Variants in UBE2D1 observed in about 807,000 individuals in gnomAD.
UBE2D1 encodes the protein ubiquitin-conjugating enzyme E2 D1.
UBE2D1 carries 9 observed loss-of-function variants against 24.6 expected under a neutral mutation model. The observed-to-expected ratio is 0.37, with a 90% CI of 0.22 to 0.64. The LOEUF (loss-of-function observed/expected upper bound fraction) is 0.64, where lower values mean the gene tolerates loss of function less well. UBE2D1 is among the 30% of genes least tolerant of loss of function. The pLI, the probability that UBE2D1 is intolerant of heterozygous loss-of-function variation, is 0.64. For missense variants in UBE2D1, 87 were observed against 177.1 expected (o/e 0.49, Z 2.89); for synonymous variants, 57 against 57.6 (o/e 0.99, Z 0.04).
intron 1 of UBE2D1, among the ~76,000 whole-genome samples, chr10:58,349,849 A>G (rs1278863767): frequency 1.3e-5 from 2 of 152,104 alleles, no homozygotes; most frequent in Non-Finnish European, 2.9e-5. Context: ...TCTAATCTCT[A>G]TCACCGTACA....
At chr10:58,362,676 T>C (rs113831699) in intron 3 of UBE2D1, among the ~76,000 whole-genome samples, 1 of 152,096 alleles carries the variant, frequency 6.6e-6, no homozygotes, top group African/African-American at 2.4e-5. Flanking sequence ...ATATCTGTCA[T>C]TGTAATTTAT....
intron 1 of UBE2D1, among the ~76,000 whole-genome samples, chr10:58,353,937 A>T (rs78427159): frequency 0.048 from 7,378 of 152,268 alleles, 342 homozygotes; most frequent in African/African-American, 0.12. Context: ...AATAATACCA[A>T]ACACCTTATG....
At chr10:58,363,200 C>CT (rs1288978145) in intron 3 of UBE2D1, among the ~76,000 whole-genome samples, 1 of 152,110 alleles carries the variant, frequency 6.6e-6, no homozygotes, top group Non-Finnish European at 1.5e-5. Flanking sequence ...TTAAGTTTTA[C>CT]TATCCTCAAC....
rs1008323966 is a variant in UBE2D1, at chr10:58,342,952, C to A, written c.24+7727C>A. On this transcript the variant is annotated intron_variant, in intron 1 of 6. Transcript: ENST00000373910. ...TCAAGCAATTCTCCTGCCTCAGTCTCCCAAGTAGCTGGGATTACAGGCGCC... is the reference window on the plus strand; with the variant it reads ...TCAAGCAATTCTCCTGCCTCAGTCTACCAAGTAGCTGGGATTACAGGCGCC... Among the ~76,000 whole-genome samples the A allele has an allele frequency of 5.9e-5, 9 of 151,730 alleles. No homozygotes were observed. In the East Asian group the frequency reaches 1.6e-3, roughly 26 times the overall value.
At chr10:58,363,737 TTTATCTAGAGCTCATTTGA>T (rs1271065734) in intron 4 of UBE2D1, 51 bp downstream of exon 4, 8 of 1,354,146 alleles carry the variant, frequency 5.9e-6, no homozygotes, top group Non-Finnish European at 7.3e-6. Context: ...GATTTTATTC[TTTATCTAGAGCTCATTTGA>T]TTATCTAGAG....
chr10:58,349,844 T>C (rs1840053765), intron 1 of UBE2D1, among the ~76,000 whole-genome samples: 1 of 152,182 alleles, frequency 6.6e-6, no homozygotes, highest in Admixed American at 6.5e-5. Flanking sequence ...ACTATTCTAA[T>C]CTCTATCACC....
intron 1 of UBE2D1, among the ~76,000 whole-genome samples, chr10:58,346,201 TG>T (rs1476766057): frequency 2.0e-5 from 3 of 151,642 alleles, no homozygotes; most frequent in African/African-American, 7.3e-5. Flanking sequence ...TAGTAGAGAC[TG>T]GGTTTCACCA....
At chr10:58,366,906 CTT>C (rs1476259733) in intron 5 of UBE2D1, among the ~76,000 whole-genome samples, 1 of 152,006 alleles carries the variant, frequency 6.6e-6, no homozygotes, top group Non-Finnish European at 1.5e-5. Context: ...TAAATGTCTT[CTT>C]TTGCTTTTTA....
At chr10:58,349,324 A>G (rs955520139) in intron 1 of UBE2D1, among the ~76,000 whole-genome samples, 15 of 152,190 alleles carry the variant, frequency 9.9e-5, no homozygotes, top group African/African-American at 3.6e-4. Context: ...TTTGTGGAAC[A>G]TACTTTCACC....
chr10:58,343,404 A>G (rs970444527), intron 1 of UBE2D1, among the ~76,000 whole-genome samples: 3 of 152,130 alleles, frequency 2.0e-5, no homozygotes, highest in Admixed American at 1.3e-4. Flanking sequence ...GTGTGTGTGT[A>G]CTAGGTTGTA....
rs894642954 is a variant in UBE2D1, at chr10:58,370,010, T to G, written c.*1245T>G. The stretch of plus-strand genomic sequence containing the variant: ...TTCTTAACATTTTAAAATCTAGAAT[T>G]TCTAAAATGGAATTTAATGCCATCA... On this transcript the variant is annotated 3_prime_UTR_variant, in exon 7 of 7. Transcript: ENST00000373910. 3.3e-5 allele frequency: 5 copies of G among 151,928 alleles called. No homozygotes were observed. The highest frequency in any genetic ancestry group is 1.2e-4 in the African/African-American group (5 of 41,374). The allele number at this position is 151,928 out of a possible 1,614,324, so 9.4% of individuals were successfully genotyped here.
chr10:58,339,585 T>C (rs993004927), intron 1 of UBE2D1, among the ~76,000 whole-genome samples: 4 of 152,204 alleles, frequency 2.6e-5, no homozygotes, highest in Non-Finnish European at 5.9e-5. Flanking sequence ...ACTTGACATA[T>C]ATTAATTGAC....
At chr10:58,357,846 A>C (rs1348019569) in intron 1 of UBE2D1, among the ~76,000 whole-genome samples, 1 of 152,168 alleles carries the variant, frequency 6.6e-6, no homozygotes, top group Non-Finnish European at 1.5e-5. Context: ...CCATGTGAAT[A>C]TTAAGGATGT....
At position 58,370,286 on chromosome 10, in the gene UBE2D1, T is replaced by G. The variant is rs912416230; in HGVS notation, c.*1521T>G. 2.0e-5 allele frequency: 3 copies of G among 152,276 alleles called. No individual in the cohort carries two copies. Among genetic ancestry groups the G allele is most frequent in the African/African-American group, 7.2e-5 (3 of 41,448 alleles). The allele number at this position is 152,276 out of a possible 1,614,324, so 9.4% of individuals were successfully genotyped here. ...TAAGAACAGTTGTAGCCCTTCTGAT[T>G]ATTGCAGTAGCTGTAGAAGTATGTA... On this transcript the variant is annotated 3_prime_UTR_variant, in exon 7 of 7. Coordinates refer to ENST00000373910, the MANE Select transcript of UBE2D1 (RefSeq NM_003338.5).
At chr10:58,344,516 T>G (rs1261329506) in intron 1 of UBE2D1, among the ~76,000 whole-genome samples, 1 of 152,150 alleles carries the variant, frequency 6.6e-6, no homozygotes, top group Non-Finnish European at 1.5e-5. Flanking sequence ...TTTTTTTTTT[T>G]GCAGCAAACA....
intron 4 of UBE2D1, chr10:58,364,549 T>C: frequency 4.3e-6 from 2 of 470,306 alleles, no homozygotes; most frequent in South Asian, 3.0e-5. Flanking sequence ...TTCAGTTCCT[T>C]TGAGGGCAAA....
At chr10:58,353,005 T>A (rs1196881485) in intron 1 of UBE2D1, among the ~76,000 whole-genome samples, 4 of 152,188 alleles carry the variant, frequency 2.6e-5, no homozygotes, top group Non-Finnish European at 5.9e-5. Flanking sequence ...GTACAACTTC[T>A]GTAGCTACTT....
At position 58,335,016 on chromosome 10, in the gene UBE2D1, G is replaced by T. The variant is rs1275937673; in HGVS notation, c.-186G>T. The stretch of plus-strand genomic sequence containing the variant: ...CCGGCGTCCCCGCCCGCACACTCGC[G>T]CACACTCGCGCTCGGGCGCACACGG... On this transcript the variant is annotated 5_prime_UTR_variant, in exon 1 of 7. Coordinates refer to ENST00000373910, the MANE Select transcript of UBE2D1 (RefSeq NM_003338.5). The T allele has an allele frequency of 3.8e-5, 22 of 575,344 alleles. No homozygotes were observed. Among genetic ancestry groups the T allele is most frequent in the Non-Finnish European group, 6.4e-5 (22 of 341,626 alleles). 35.6% of individuals were successfully genotyped at this position (575,344 alleles called of 1,614,324 possible). A position where few individuals can be genotyped will look rare whatever the true frequency, so the allele number is the denominator to read the frequency against.
rs1248740107 is a variant in UBE2D1, at chr10:58,370,292, A to G, written c.*1527A>G. The G allele has an allele frequency of 1.3e-5, 2 of 152,244 alleles. No homozygotes were observed. Among genetic ancestry groups the G allele is most frequent in the South Asian group, 2.1e-4 (1 of 4,836 alleles). The allele number at this position is 152,244 out of a possible 1,614,324, so 9.4% of individuals were successfully genotyped here. A position where few individuals can be genotyped will look rare whatever the true frequency, so the allele number is the denominator to read the frequency against. On this transcript the variant is annotated 3_prime_UTR_variant, in exon 7 of 7. Transcript: ENST00000373910. ...CAGTTGTAGCCCTTCTGATTATTGCAGTAGCTGTAGAAGTATGTAAGAATA... is the reference window on the plus strand; with the variant it reads ...CAGTTGTAGCCCTTCTGATTATTGCGGTAGCTGTAGAAGTATGTAAGAATA...
Sources: gnomAD v4.1 joint callset for allele counts (sites outside exome capture counted in the v4.1 genomes callset) on GRCh38, gnomAD v4.1.1 for gene constraint, MANE v1.5 for transcripts, NCBI Gene and HGNC (gene_info 2026-07-23, HGNC 2026-07-21) for gene names.